Variants in CACNA1C observed in about 807,000 individuals in gnomAD.
CACNA1C encodes the protein calcium voltage-gated channel subunit alpha1 C.
Under a neutral mutation model 229.0 loss-of-function variants are expected in CACNA1C, and 30 were observed. That is an observed-to-expected ratio of 0.13 (90% confidence interval 0.10 to 0.18). CACNA1C has a LOEUF of 0.18. Ranked by LOEUF, CACNA1C falls within the 10% of genes least tolerant of loss-of-function variation. The probability of loss-of-function intolerance (pLI) is 1.00; values close to 1 mark genes in which losing one functional copy is unlikely to be tolerated. For synonymous variants in CACNA1C, 1,114 were observed against 1,132.5 expected (o/e 0.98, Z 0.33); for missense variants, 1,658 against 2,845.0 (o/e 0.58, Z 9.49).
intron 7 of CACNA1C, among the ~76,000 whole-genome samples, chr12:2,501,143 A>G (rs553569102): frequency 7.6e-6 from 1 of 130,780 alleles, no homozygotes; most frequent in East Asian, 2.5e-4. Context: ...CAGGAGGTGG[A>G]GCTTGCTGTG....
At chr12:2,460,011 C>T (rs1236490291) in intron 5 of CACNA1C, among the ~76,000 whole-genome samples, 1 of 152,228 alleles carries the variant, frequency 6.6e-6, no homozygotes, top group Non-Finnish European at 1.5e-5. Flanking sequence ...GGCTTACAAC[C>T]AGCAACATTT....
chr12:1,989,531 C>G (rs1001279542), intron 1 of CACNA1C, among the ~76,000 whole-genome samples: 1 of 152,128 alleles, frequency 6.6e-6, no homozygotes, highest in African/African-American at 2.4e-5. Flanking sequence ...CTGGCCAACA[C>G]GGTGAAACCC....
chr12:2,015,494 G>T (rs1304848739), intron 1 of CACNA1C, among the ~76,000 whole-genome samples: 1 of 152,184 alleles, frequency 6.6e-6, no homozygotes, highest in African/African-American at 2.4e-5. Context: ...CAAGATAGGT[G>T]GCTTCAGCCA....
chr12:2,348,378 GA>G lies in CACNA1C; in HGVS notation c.478-100597del, dbSNP rs765159471. Reference sequence around the variant, plus strand: ...TCCCAAGAGCTCCCGGCCCACGACTGAGTCACGCGGCTTCTTAGCAACTTAG... The same window carrying G: ...TCCCAAGAGCTCCCGGCCCACGACTGGTCACGCGGCTTCTTAGCAACTTAG... On this transcript the variant is annotated intron_variant, in intron 3 of 46. Coordinates refer to ENST00000399655, the MANE Select transcript of CACNA1C (RefSeq NM_000719.7). The surrounding 1 kb of genome is among the most constrained non-coding windows in gnomAD (Gnocchi z 4.7). Among the ~76,000 whole-genome samples, 8 of 152,220 alleles carry G rather than the reference GA, an allele frequency of 5.3e-5. No individual in the cohort carries two copies. Among genetic ancestry groups the G allele is most frequent in the Admixed American group, 1.3e-4 (2 of 15,282 alleles).
chr12:2,355,086 C>G (rs968238004), intron 3 of CACNA1C, among the ~76,000 whole-genome samples: 9 of 152,098 alleles, frequency 5.9e-5, no homozygotes, highest in African/African-American at 2.2e-4. Flanking sequence ...CTGCCCGCTT[C>G]CCCGGGTATT....
intron 1 of CACNA1C, among the ~76,000 whole-genome samples, chr12:1,977,598 C>T (rs1350084058): frequency 1.3e-5 from 2 of 152,130 alleles, no homozygotes; most frequent in Admixed American, 1.3e-4. Context: ...TTATTTGGCA[C>T]CACAGAATAT....
At chr12:2,322,583 A>G (rs1413194483) in intron 3 of CACNA1C, among the ~76,000 whole-genome samples, 1 of 152,104 alleles carries the variant, frequency 6.6e-6, no homozygotes, top group Non-Finnish European at 1.5e-5. Context: ...AGGCTCTGAA[A>G]CCTTAGTGGA....
Position 2,504,612 on chromosome 12 carries a change from C to G in CACNA1C, c.1114-230C>G. 1.1e-6 allele frequency: 1 copy of G among 937,028 alleles called. No individual in the cohort carries two copies. The highest frequency in any genetic ancestry group is 1.8e-6 in the Non-Finnish European group (1 of 567,644). The allele number at this position is 937,028 out of a possible 1,614,324, so 58.0% of individuals were successfully genotyped here. A position where few individuals can be genotyped will look rare whatever the true frequency, so the allele number is the denominator to read the frequency against. ...TCTCAGGTTCCACTCCGTACATGCC[C>G]GGGGTCCTCAGGGATGGGACCCTGA... On this transcript the variant is annotated intron_variant, in intron 7 of 46. Transcript: ENST00000399655. This position sits in a 1 kb window ranked among gnomAD's most constrained non-coding sequence, Gnocchi z 6.8.
At chr12:2,458,372 C>T (rs1283476454) in intron 5 of CACNA1C, among the ~76,000 whole-genome samples, 1 of 152,118 alleles carries the variant, frequency 6.6e-6, no homozygotes, top group Non-Finnish European at 1.5e-5. Context: ...TCTCCAGAAG[C>T]CTGGCCCATT....
intron 1 of CACNA1C, among the ~76,000 whole-genome samples, chr12:2,086,598 G>A (rs957138227): frequency 2.6e-5 from 4 of 152,106 alleles, no homozygotes; most frequent in East Asian, 1.9e-4. Flanking sequence ...TTTCAGTTAC[G>A]TGACAGTCCA....
At chr12:2,160,808 T>C (rs2095816058) in intron 3 of CACNA1C, among the ~76,000 whole-genome samples, 1 of 152,206 alleles carries the variant, frequency 6.6e-6, no homozygotes, top group African/African-American at 2.4e-5. Context: ...ATGGTAGCTC[T>C]GGTTATTTTT....
chr12:2,211,505 G>T (rs1357026025), intron 3 of CACNA1C, among the ~76,000 whole-genome samples: 4 of 152,170 alleles, frequency 2.6e-5, no homozygotes, highest in Admixed American at 2.6e-4. Flanking sequence ...CTCTGTTGAG[G>T]CCTCTTTAAC....
intron 3 of CACNA1C, among the ~76,000 whole-genome samples, chr12:2,238,619 G>C (rs746863233): frequency 6.6e-6 from 1 of 152,202 alleles, no homozygotes; most frequent in Non-Finnish European, 1.5e-5. Context: ...GACCTACCAA[G>C]TGCCCTCTGA....
At chr12:2,222,198 A>G (rs920889464) in intron 3 of CACNA1C, 1 of 152,262 alleles carries the variant, frequency 6.6e-6, no homozygotes, top group African/African-American at 2.4e-5. Flanking sequence ...GTGATGTCTT[A>G]CCATGTCCAA....
chr12:2,098,507 C>T (rs1321374483), intron 1 of CACNA1C, among the ~76,000 whole-genome samples: 1 of 152,112 alleles, frequency 6.6e-6, no homozygotes, highest in Non-Finnish European at 1.5e-5. Flanking sequence ...ACCCACCTTC[C>T]CCATACAGTG....
At chr12:2,151,272 T>G (rs2095235404) in intron 3 of CACNA1C, among the ~76,000 whole-genome samples, 1 of 151,998 alleles carries the variant, frequency 6.6e-6, no homozygotes, top group Admixed American at 6.5e-5. Flanking sequence ...ATTTTTTTTT[T>G]TATTTTTTGC....
At chr12:2,046,794 T>C (rs1172942594) in intron 1 of CACNA1C, among the ~76,000 whole-genome samples, 1 of 152,050 alleles carries the variant, frequency 6.6e-6, no homozygotes, top group East Asian at 1.9e-4. Flanking sequence ...CTAAGTGTAG[T>C]GTATAACAGC....
At chr12:2,531,919 C>A (rs1419857132) in intron 9 of CACNA1C, among the ~76,000 whole-genome samples, 1 of 152,168 alleles carries the variant, frequency 6.6e-6, no homozygotes, top group Admixed American at 6.5e-5. Context: ...ACACACTCTC[C>A]GTGTAGGAAC....
chr12:2,288,471 T>G (rs1167763353), intron 3 of CACNA1C, among the ~76,000 whole-genome samples: 2 of 152,114 alleles, frequency 1.3e-5, no homozygotes, highest in African/African-American at 2.4e-5. Context: ...CCATCAAAGG[T>G]GTTTGCAACC....
Sources: allele counts gnomAD v4.1 joint callset (sites outside exome capture counted in the v4.1 genomes callset), GRCh38; gene constraint gnomAD v4.1.1; non-coding constraint Gnocchi (gnomAD v3.1); transcripts MANE v1.5; gene names NCBI Gene and HGNC (gene_info 2026-07-23, HGNC 2026-07-21).